The following SHC3 variants were observed in gnomAD, a reference collection of about 807,000 sequenced individuals.
The protein encoded by SHC3 is SHC-transforming protein 3.
A neutral mutation model predicts 60.4 loss-of-function variants in SHC3; 15 were observed. That is an observed-to-expected ratio of 0.25 (90% CI 0.17 to 0.38). SHC3 has a LOEUF of 0.38. Among genes scored for constraint, SHC3 ranks in the 10% least tolerant of loss-of-function variants. SHC3 has a pLI of 1.00. For missense variants in SHC3, 677 were observed against 786.1 expected (o/e 0.86, Z 1.66); for synonymous variants, 294 against 325.9 (o/e 0.90, Z 1.05).
chr9:89,108,127 A>G (rs1825890970), intron 2 of SHC3, among the ~76,000 whole-genome samples: 1 of 152,210 alleles, frequency 6.6e-6, no homozygotes, highest in Non-Finnish European at 1.5e-5. Flanking sequence ...GCTATGCTAT[A>G]TAGCCTAGGT....
intron 1 of SHC3, among the ~76,000 whole-genome samples, chr9:89,124,081 A>G (rs1826129193): frequency 6.6e-6 from 1 of 150,926 alleles, no homozygotes; most frequent in African/African-American, 2.4e-5. Flanking sequence ...AAACATATGA[A>G]AAAAAAAAAG....
chr9:89,061,620 C>T (rs895298477), intron 6 of SHC3, among the ~76,000 whole-genome samples: 9 of 152,222 alleles, frequency 5.9e-5, no homozygotes, highest in Admixed American at 5.2e-4. Flanking sequence ...ATAGTCATCA[C>T]GGTTTATCCG....
At chr9:89,033,655 T>A (rs150800106) in intron 11 of SHC3, among the ~76,000 whole-genome samples, 14 of 152,344 alleles carry the variant, frequency 9.2e-5, no homozygotes, top group Admixed American at 3.9e-4. Context: ...TATTGGGCAC[T>A]ATGGCACTAA....
chr9:89,173,495 G>A (rs564390611), intron 1 of SHC3, among the ~76,000 whole-genome samples: 5 of 152,358 alleles, frequency 3.3e-5, no homozygotes, highest in South Asian at 4.1e-4. Flanking sequence ...AAGTTTTGTC[G>A]TAGCTTATCT....
chr9:89,045,612 C>G (rs1824759150), intron 9 of SHC3, 134 bp downstream of exon 9: 2 of 765,998 alleles, frequency 2.6e-6, no homozygotes, highest in Non-Finnish European at 4.2e-6. Context: ...AGTCAGGATT[C>G]TATAGCAACA....
At chr9:89,044,439 C>G (rs1053538906) in intron 9 of SHC3, among the ~76,000 whole-genome samples, 3 of 152,174 alleles carry the variant, frequency 2.0e-5, no homozygotes, top group Non-Finnish European at 4.4e-5. Flanking sequence ...TTGTCATTTG[C>G]TTCCTGGCAT....
chr9:89,048,234 A>G (rs1312804156), intron 7 of SHC3, among the ~76,000 whole-genome samples: 1 of 96,130 alleles, frequency 1.0e-5, no homozygotes, highest in Non-Finnish European at 2.0e-5. Flanking sequence ...ATGGAGTAAG[A>G]CTCCATTAAA....
intron 1 of SHC3, among the ~76,000 whole-genome samples, chr9:89,114,742 A>G (rs1228872058): frequency 6.6e-6 from 1 of 152,144 alleles, no homozygotes; most frequent in Non-Finnish European, 1.5e-5. Context: ...GTTAAGTGAA[A>G]ACTATGACCA....
intron 2 of SHC3, among the ~76,000 whole-genome samples, chr9:89,089,261 G>A (rs1270052756): frequency 6.6e-6 from 1 of 152,220 alleles, no homozygotes; most frequent in African/African-American, 2.4e-5. Context: ...CCCACTGATA[G>A]AATTGGAGGA....
At chr9:89,109,041 A>G (rs994128105) in intron 2 of SHC3, 2 of 985,418 alleles carry the variant, frequency 2.0e-6, no homozygotes, top group South Asian at 9.4e-5. Context: ...AGGAGGCCTG[A>G]CCTTACCTGC....
chr9:89,139,307 A>T (rs573456230), intron 1 of SHC3, among the ~76,000 whole-genome samples: 2 of 152,236 alleles, frequency 1.3e-5, no homozygotes, highest in Non-Finnish European at 2.9e-5. Context: ...AGTGTACCAT[A>T]GTTCTTGAAA....
rs1454772486 is a variant in SHC3, at chr9:89,011,737, T to C, written c.*1710A>G. 6.6e-6 allele frequency: 1 copy of C among 151,548 alleles called. No homozygotes were observed. The highest frequency in any genetic ancestry group is 1.5e-5 in the Non-Finnish European group (1 of 67,888). The allele number at this position is 151,548 out of a possible 1,614,324, so 9.4% of individuals were successfully genotyped here. A position where few individuals can be genotyped will look rare whatever the true frequency, so the allele number is the denominator to read the frequency against. ...TACAGTAGTGTCAGACTCTCCAGAGTTTCAATCCACTGCAGAACATTCTAG... is the reference window on the plus strand; with the variant it reads ...TACAGTAGTGTCAGACTCTCCAGAGCTTCAATCCACTGCAGAACATTCTAG... On this transcript the variant is annotated 3_prime_UTR_variant, in exon 12 of 12. Transcript: ENST00000375835.
intron 2 of SHC3, among the ~76,000 whole-genome samples, chr9:89,079,390 G>C (rs1016459367): frequency 6.6e-6 from 1 of 152,186 alleles, no homozygotes. Flanking sequence ...TATATTAAGT[G>C]ACATACTTAG....
intron 7 of SHC3, among the ~76,000 whole-genome samples, chr9:89,047,941 T>C (rs1824799543): frequency 6.6e-6 from 1 of 152,126 alleles, no homozygotes; most frequent in Admixed American, 6.5e-5. Context: ...ACAGTAGCAT[T>C]GTTCATAAGA....
chr9:89,037,510 CA>C, intron 11 of SHC3: 1 of 716,648 alleles, frequency 1.4e-6, no homozygotes, highest in Non-Finnish European at 2.6e-6. Flanking sequence ...TGGCCAACAT[CA>C]GTAGGAGTTA....
rs551357732 is a variant in SHC3, at chr9:89,114,857, C to T, written c.475-2231G>A. 8.5e-5 allele frequency among the ~76,000 whole-genome samples: 13 copies of T among 152,254 alleles called. No homozygotes were observed. The South Asian group carries it at 1.2e-3, about 15-fold the overall frequency. ...AAGACTACCACCAGCAGCAACACTG[C>T]AGTTATGTGAATATAATCCCCACCA... On this transcript the variant is annotated intron_variant, in intron 1 of 11. Transcript: ENST00000375835.
rs1296950643 is a variant in SHC3, at chr9:89,013,426, C to T, written c.*21G>A. ...GGTCCTCCTGACCTGGTGCGCAGTGCTGGGAGCAGTGCTGGCCAGGTCACT... is the reference window on the plus strand; with the variant it reads ...GGTCCTCCTGACCTGGTGCGCAGTGTTGGGAGCAGTGCTGGCCAGGTCACT... On this transcript the variant is annotated 3_prime_UTR_variant, in exon 12 of 12. Transcript: ENST00000375835. 1 of 1,593,822 alleles carries T rather than the reference C, an allele frequency of 6.3e-7. No homozygotes were observed. The highest frequency in any genetic ancestry group is 1.7e-5 in the Admixed American group (1 of 57,276).
At chr9:89,128,791 A>T (rs528394734) in intron 1 of SHC3, among the ~76,000 whole-genome samples, 35 of 152,296 alleles carry the variant, frequency 2.3e-4, no homozygotes, top group African/African-American at 8.2e-4. Context: ...AACTACAAAG[A>T]TTGGGAGAAA....
rs866679892 is a variant in SHC3, at chr9:89,131,321, C to T, written c.475-18695G>A. 1.1e-4 allele frequency among the ~76,000 whole-genome samples: 16 copies of T among 152,262 alleles called. 1 individual carries two copies. The highest frequency in any genetic ancestry group is 6.8e-3 in the Middle Eastern group (2 of 294). ...CAGATGGATTCACAGCCAAATTCTA[C>T]CAGAGGTACAAAGAAGAGCTGTTAC... On this transcript the variant is annotated intron_variant, in intron 1 of 11. Transcript: ENST00000375835.
Sources: allele counts gnomAD v4.1 joint callset (sites outside exome capture counted in the v4.1 genomes callset), GRCh38; gene constraint gnomAD v4.1.1; transcripts MANE v1.5; gene names NCBI Gene and HGNC (gene_info 2026-07-23, HGNC 2026-07-21).